RASD2: variants seen among roughly 807,000 people sequenced by gnomAD.
RASD2 encodes RASD family member 2.
RASD2 carries 7 observed loss-of-function variants against 15.8 expected under a neutral mutation model. The ratio of observed to expected loss-of-function variants is 0.44; its 90% CI spans 0.25 to 0.83. The LOEUF is 0.83. Among genes scored for constraint, RASD2 ranks in the 40% least tolerant of loss-of-function variants. RASD2 has a pLI of 0.20. For missense variants in RASD2, 274 were observed against 382.8 expected, an observed-to-expected ratio of 0.72 and a Z score of 2.37; for synonymous variants, 155 against 153.6, an observed-to-expected ratio of 1.01 and a Z score of -0.07.
At chr22:35,533,273 G>T in the RASD2 span, among the ~76,000 whole-genome samples, 1 of 152,310 alleles carries the variant, frequency 6.6e-6, no homozygotes, top group African/African-American at 2.4e-5. Flanking sequence ...CAGGGCTGTT[G>T]GAAGGATCAA....
At chr22:35,545,019 G>A (rs1934458840) in intron 1 of RASD2, among the ~76,000 whole-genome samples, 1 of 152,156 alleles carries the variant, frequency 6.6e-6, no homozygotes, top group South Asian at 2.1e-4. Context: ...CCAGGCCTGG[G>A]GTCCGCCGTG....
chr22:35,538,574 G>A (rs546440487), upstream of RASD2, among the ~76,000 whole-genome samples: 1 of 152,324 alleles, frequency 6.6e-6, no homozygotes, highest in South Asian at 2.1e-4. Context: ...ACCATACCAG[G>A]AGTGGGGGAG....
rs1302396277 is a variant in RASD2 at position 35,551,478 on chromosome 22, C to T, written c.272-25C>T. On this transcript the variant is annotated intron_variant, in intron 2 of 2. Transcript: ENST00000216127. The surrounding 1 kb of genome is among the most constrained non-coding windows in gnomAD (Gnocchi z 4.9). ...AGGGGTTGCAGCTGGCCGGTGAACT[C>T]ACTACCTGGGCTCTCTCCCTGCAGG... is the stretch of plus-strand genomic sequence containing the variant. The T allele has an allele frequency of 6.3e-7, 1 of 1,594,410 alleles. No homozygotes were observed. The highest frequency in any genetic ancestry group is 1.7e-5 in the Admixed American group (1 of 59,344).
At chr22:35,547,906 G>C (rs972667609) in intron 2 of RASD2, among the ~76,000 whole-genome samples, 1 of 152,166 alleles carries the variant, frequency 6.6e-6, no homozygotes, top group East Asian at 1.9e-4. Context: ...CAGCCACCGC[G>C]GCCAGCCAGC....
chr22:35,547,102 G>C (rs560656713), intron 2 of RASD2, 22 bp downstream of exon 2: 2 of 1,603,044 alleles, frequency 1.2e-6, no homozygotes, highest in East Asian at 4.5e-5. Flanking sequence ...TGGTGCCTGG[G>C]CTGGGGCGGC....
intron 1 of RASD2, among the ~76,000 whole-genome samples, chr22:35,545,121 G>A (rs950204412): frequency 3.3e-5 from 5 of 152,140 alleles, no homozygotes; most frequent in Admixed American, 6.5e-5. Context: ...GAGCATTTAC[G>A]CCATGGAAAT....
intron 2 of RASD2, among the ~76,000 whole-genome samples, chr22:35,549,640 C>T (rs1601817071): frequency 6.6e-6 from 1 of 152,206 alleles, no homozygotes; most frequent in East Asian, 1.9e-4. Context: ...TCCATCACCT[C>T]CCATCCATTC....
the RASD2 span, among the ~76,000 whole-genome samples, chr22:35,533,857 CAG>C: frequency 8.5e-6 from 1 of 117,474 alleles, no homozygotes; most frequent in African/African-American, 3.3e-5. Flanking sequence ...ATGATGATCA[CAG>C]TGATGATGGT....
the RASD2 span, among the ~76,000 whole-genome samples, chr22:35,534,408 C>T: frequency 6.6e-6 from 1 of 152,242 alleles, no homozygotes; most frequent in South Asian, 2.1e-4. Context: ...TCAGTTTTCT[C>T]ATCTACAAAT....
In RASD2 at chr22:35,545,351, G is replaced by A. The variant is rs1934470393; in HGVS notation, c.-9-1450G>A. The stretch of plus-strand genomic sequence containing the variant: ...AATGGGCGAGGCACTCAAGGAAACC[G>A]ACTTGGGGCATCCTGGGGTGGGGAC... On this transcript the variant is annotated intron_variant, in intron 1 of 2. Transcript: ENST00000216127. Among the ~76,000 whole-genome samples the A allele has an allele frequency of 2.0e-5, 3 of 152,200 alleles. No homozygotes were observed. The South Asian group carries it at 6.2e-4, about 31-fold the overall frequency.
intron 2 of RASD2, among the ~76,000 whole-genome samples, chr22:35,548,252 G>A (rs1240615048): frequency 1.3e-5 from 2 of 152,180 alleles, no homozygotes; most frequent in Non-Finnish European, 2.9e-5. Context: ...TTTGTACCTC[G>A]AGGCAAGGGA....
chr22:35,546,905 G>A lies in RASD2; in HGVS notation c.96G>A (p.Lys32=), dbSNP rs769089309. The A allele has an allele frequency of 6.2e-7, 1 of 1,613,438 alleles. No individual in the cohort carries two copies. The highest frequency in any genetic ancestry group is 8.5e-7 in the Non-Finnish European group (1 of 1,179,702). The change falls in exon 2 of 3, where the codon AAG becomes AAA. Residue 32 remains lysine (K), a synonymous_variant. Coordinates refer to ENST00000216127, the MANE Select transcript of RASD2 (RefSeq NM_014310.4). ...TGCTGGGTGCCTCTCGGGTGGGCAA[G>A]AGCTCCATCGTGTCTCGCTTCCTCA... ...MVVLGASRVG[K]SSIVSRFLNG... is the part of the protein sequence containing the mutation.
upstream of RASD2, among the ~76,000 whole-genome samples, chr22:35,540,374 C>G (rs1934310782): frequency 1.3e-5 from 2 of 149,692 alleles, no homozygotes; most frequent in African/African-American, 4.9e-5. Flanking sequence ...CAGACCGCGG[C>G]GCCCCGGAGG....
chr22:35,551,489 C>A lies in RASD2; in HGVS notation c.272-14C>A, dbSNP rs368423584. The A allele has an allele frequency of 1.3e-6, 2 of 1,599,910 alleles. No homozygotes were observed. Among genetic ancestry groups the A allele is most frequent in the African/African-American group, 1.3e-5 (1 of 74,644 alleles). On this transcript the variant is annotated splice_polypyrimidine_tract_variant and intron_variant, in intron 2 of 2. Coordinates refer to ENST00000216127, the MANE Select transcript of RASD2 (RefSeq NM_014310.4). The surrounding 1 kb of genome is among the most constrained non-coding windows in gnomAD (Gnocchi z 4.9). ...CTGGCCGGTGAACTCACTACCTGGGCTCTCTCCCTGCAGGGGATGTCTTCA... is the reference window on the plus strand; with the variant it reads ...CTGGCCGGTGAACTCACTACCTGGGATCTCTCCCTGCAGGGGATGTCTTCA...
At chr22:35,534,351 A>T in the RASD2 span, among the ~76,000 whole-genome samples, 1 of 152,240 alleles carries the variant, frequency 6.6e-6, no homozygotes, top group African/African-American at 2.4e-5. Flanking sequence ...GCTATCAGTC[A>T]GACTTAGTTC....
Position 35,541,184 on chromosome 22 carries a change from G to A in RASD2, c.-326G>A, listed in dbSNP as rs899647365. On this transcript the variant is annotated 5_prime_UTR_variant, in exon 1 of 3. Transcript: ENST00000216127. ...CGGATCGGACGTCCCCAAGCCTCCG[G>A]GCACCTGGCTCAGCAGGAGGCCCCC... 2.6e-5 allele frequency: 4 copies of A among 152,118 alleles called. No individual in the cohort carries two copies. Among genetic ancestry groups the A allele is most frequent in the Non-Finnish European group, 5.9e-5 (4 of 68,020 alleles). 9.4% of individuals were successfully genotyped at this position (152,118 alleles called of 1,614,324 possible).
the RASD2 span, among the ~76,000 whole-genome samples, chr22:35,533,875 T>A: frequency 6.6e-6 from 1 of 151,364 alleles, no homozygotes; most frequent in African/African-American, 2.4e-5. Context: ...ATGGTGATGG[T>A]GATGATGATG....
At position 35,548,838 on chromosome 22, in the gene RASD2, C is replaced by G. The variant is rs1041529098; in HGVS notation, c.271+1758C>G. On this transcript the variant is annotated intron_variant, in intron 2 of 2. Transcript: ENST00000216127. The stretch of plus-strand genomic sequence containing the variant: ...GCATCCTGTCTGAGTCTCAGCCTCC[C>G]CAGCCACACAGTGGGCTTAACCTCA... Among the ~76,000 whole-genome samples the G allele has an allele frequency of 7.8e-4, 119 of 152,324 alleles. 1 individual carries two copies. The East Asian group carries it at 0.02, about 26-fold the overall frequency.
upstream of RASD2, among the ~76,000 whole-genome samples, chr22:35,540,634 C>G (rs1261075871): frequency 6.6e-6 from 1 of 152,196 alleles, no homozygotes; most frequent in East Asian, 1.9e-4. Flanking sequence ...GAGGGATCAG[C>G]GACCTCTTCG....
Sources: allele counts gnomAD v4.1 joint callset (sites outside exome capture counted in the v4.1 genomes callset), GRCh38; gene constraint gnomAD v4.1.1; non-coding constraint Gnocchi (gnomAD v3.1); transcripts MANE v1.5; gene names NCBI Gene and HGNC (gene_info 2026-07-23, HGNC 2026-07-21).